The following ABCC4 variants were observed in gnomAD, a reference collection of about 807,000 sequenced individuals.
ABCC4 encodes ATP binding cassette subfamily C member 4 (PEL blood group).
In ABCC4, 102 loss-of-function variants were observed where a neutral mutation model predicts 168.5. The ratio of observed to expected loss-of-function variants is 0.61; its 90% CI spans 0.52 to 0.71. The LOEUF is 0.71. Ranked by LOEUF, ABCC4 falls within the 30% of genes least tolerant of loss-of-function variation. The pLI, the probability that ABCC4 is intolerant of heterozygous loss-of-function variation, is 0.00. For missense variants in ABCC4, 1,402 were observed against 1,605.8 expected (o/e 0.87, Z 2.17); for synonymous variants, 617 against 590.7 (o/e 1.04, Z -0.65).
intron 24 of ABCC4, 21 bp from the exon 25 acceptor site, chr13:95,071,874 C>T (rs1308352066): frequency 1.3e-5 from 19 of 1,460,008 alleles, no homozygotes; most frequent in Non-Finnish European, 1.6e-5. Flanking sequence ...TATGACATCC[C>T]GAGGGGTTAG....
intron 1 of ABCC4, among the ~76,000 whole-genome samples, chr13:95,269,113 A>T (rs1415902048): frequency 6.6e-6 from 1 of 152,012 alleles, no homozygotes; most frequent in Non-Finnish European, 1.5e-5. Context: ...CTGTAGTAAA[A>T]CTGTAATTGT....
At chr13:95,124,713 G>GAAAAAAA (rs59665124) in intron 19 of ABCC4, among the ~76,000 whole-genome samples, 4 of 59,210 alleles carry the variant, frequency 6.8e-5, no homozygotes, top group South Asian at 1.0e-3. Flanking sequence ...TACTAAAAAC[G>GAAAAAAA]AAAAAAAAAA....
At chr13:95,151,559 G>T (rs1454301495) in intron 19 of ABCC4, among the ~76,000 whole-genome samples, 1 of 148,354 alleles carries the variant, frequency 6.7e-6, no homozygotes, top group Non-Finnish European at 1.5e-5. Context: ...AGGAGGAGGA[G>T]GAGAAGGAGA....
chr13:95,163,516 A>G (rs1434457575), intron 17 of ABCC4, 94 bp downstream of exon 17: 2 of 1,165,812 alleles, frequency 1.7e-6, no homozygotes, highest in Non-Finnish European at 2.5e-6. Context: ...ATTAGAAGAG[A>G]AGGATCAACA....
intron 1 of ABCC4, among the ~76,000 whole-genome samples, chr13:95,270,340 GAA>G (rs10583122): frequency 0.029 from 3,824 of 130,522 alleles, 123 homozygotes; most frequent in African/African-American, 0.083. Context: ...ACCAGGCTGT[GAA>G]AAAAAAAAAA....
intron 20 of ABCC4, among the ~76,000 whole-genome samples, chr13:95,091,932 A>C (rs560847507): frequency 6.6e-6 from 1 of 152,274 alleles, no homozygotes; most frequent in Admixed American, 6.5e-5. Context: ...CTCACCTAAC[A>C]CATAAGCACT....
chr13:95,270,550 G>A (rs1397165146), intron 1 of ABCC4, among the ~76,000 whole-genome samples: 1 of 152,092 alleles, frequency 6.6e-6, no homozygotes, highest in African/African-American at 2.4e-5. Context: ...AGACCCTGTG[G>A]CACAGAAGAG....
At chr13:95,113,569 A>T (rs1205668476) in intron 20 of ABCC4, among the ~76,000 whole-genome samples, 1 of 990 alleles carries the variant, frequency 1.0e-3, no homozygotes, top group Non-Finnish European at 2.7e-3. Flanking sequence ...AGGCAACTTA[A>T]AAAAAAAAAA....
intron 4 of ABCC4, among the ~76,000 whole-genome samples, chr13:95,215,207 G>T (rs1324150548): frequency 1.3e-5 from 2 of 152,176 alleles, no homozygotes; most frequent in East Asian, 3.9e-4. Context: ...AATTGCTTGA[G>T]CTCAGGAGTT....
intron 1 of ABCC4, among the ~76,000 whole-genome samples, chr13:95,298,187 A>T (rs2041583718): frequency 6.6e-6 from 1 of 151,984 alleles, no homozygotes; most frequent in African/African-American, 2.4e-5. Context: ...TACTTGAGAG[A>T]CTGGGGCAGG....
intron 1 of ABCC4, among the ~76,000 whole-genome samples, chr13:95,280,258 A>G (rs543816915): frequency 6.6e-6 from 1 of 152,000 alleles, no homozygotes. Context: ...TCTACTAACA[A>G]TACAAAAAAT....
Position 95,021,510 on chromosome 13 carries a change from T to C in ABCC4, c.*65A>G. Reference sequence around the variant, plus strand: ...TGCCAAAGTAAAAAAAAGTACAATGTGGTTTACATAGTCCAAAAACTAGTG... The same window carrying C: ...TGCCAAAGTAAAAAAAAGTACAATGCGGTTTACATAGTCCAAAAACTAGTG... On this transcript the variant is annotated 3_prime_UTR_variant, in exon 31 of 31. Coordinates refer to ENST00000645237, the MANE Select transcript of ABCC4 (RefSeq NM_005845.5). 1 of 1,124,500 alleles carries C rather than the reference T, an allele frequency of 8.9e-7. No individual in the cohort carries two copies. Among genetic ancestry groups the C allele is most frequent in the East Asian group, 2.4e-5 (1 of 42,046 alleles). 69.7% of individuals were successfully genotyped at this position (1,124,500 alleles called of 1,614,324 possible). A position where few individuals can be genotyped will look rare whatever the true frequency, so the allele number is the denominator to read the frequency against.
intron 1 of ABCC4, among the ~76,000 whole-genome samples, chr13:95,257,673 A>G (rs201846149): frequency 1.4e-5 from 2 of 139,512 alleles, no homozygotes; most frequent in Non-Finnish European, 3.2e-5. Flanking sequence ...AAAAAAAAAA[A>G]GAAAGAAAAA....
intron 1 of ABCC4, among the ~76,000 whole-genome samples, chr13:95,270,269 GA>G (rs999808523): frequency 7.7e-5 from 10 of 130,070 alleles, no homozygotes; most frequent in African/African-American, 2.6e-4. Context: ...AAGGGGAAGA[GA>G]AAAAATGACT....
intron 13 of ABCC4, among the ~76,000 whole-genome samples, chr13:95,172,027 C>T (rs1176836275): frequency 2.6e-5 from 4 of 152,138 alleles, no homozygotes; most frequent in African/African-American, 7.2e-5. Context: ...CTGATGGGTG[C>T]TATGTCCAGT....
intron 19 of ABCC4, among the ~76,000 whole-genome samples, chr13:95,118,474 T>C (rs1751061): frequency 0.91 from 138,441 of 152,138 alleles, 63,191 homozygotes; most frequent in South Asian, 0.95. Context: ...AAGCTTCTGA[T>C]CTCAGGTGAT....
At chr13:95,231,192 G>A (rs1566550639) in intron 4 of ABCC4, among the ~76,000 whole-genome samples, 3 of 152,184 alleles carry the variant, frequency 2.0e-5, no homozygotes, top group Admixed American at 2.0e-4. Context: ...AAATTCTGTC[G>A]ATGGATGGTG....
chr13:95,291,038 C>CCTTTT (rs1341353958), intron 1 of ABCC4, among the ~76,000 whole-genome samples: 3 of 147,324 alleles, frequency 2.0e-5, no homozygotes, highest in Non-Finnish European at 4.5e-5. Flanking sequence ...TGACTTTAAC[C>CCTTTT]CTTTTCTTGG....
chr13:95,232,983 T>C (rs938781938), intron 4 of ABCC4, among the ~76,000 whole-genome samples: 1 of 152,194 alleles, frequency 6.6e-6, no homozygotes, highest in Non-Finnish European at 1.5e-5. Context: ...GGGTTTGGCA[T>C]CCCTGGACTC....
Sources: allele counts gnomAD v4.1 joint callset (sites outside exome capture counted in the v4.1 genomes callset), GRCh38; gene constraint gnomAD v4.1.1; transcripts MANE v1.5; gene names NCBI Gene and HGNC (gene_info 2026-07-23, HGNC 2026-07-21).